Variants in WDR35 observed in about 807,000 individuals in gnomAD.
WDR35 encodes the protein WD repeat domain 35, also known as WD repeat-containing protein 35.
Under a neutral mutation model 158.3 loss-of-function variants are expected in WDR35, and 118 were observed. That is an observed-to-expected ratio of 0.75 (90% CI 0.64 to 0.87). The LOEUF is 0.87. Ranked by LOEUF, WDR35 falls within the 40% of genes least tolerant of loss-of-function variation. The probability of loss-of-function intolerance (pLI) is 0.00; values close to 1 mark genes in which losing one functional copy is unlikely to be tolerated. For synonymous variants in WDR35, 448 were observed against 476.1 expected (o/e 0.94, Z 0.77); for missense variants, 1,263 against 1,405.8 (o/e 0.90, Z 1.62).
intron 14 of WDR35, 74 bp from the exon 15 acceptor site, chr2:19,946,644 T>C (rs1457402287): frequency 4.3e-6 from 6 of 1,385,650 alleles, no homozygotes; most frequent in Non-Finnish European, 6.1e-6. Context: ...TTTCTCTATA[T>C]GTCTATACAT....
chr2:19,980,586 G>T (rs1672352169), intron 4 of WDR35, 105 bp downstream of exon 4: 1 of 893,288 alleles, frequency 1.1e-6, no homozygotes, highest in Non-Finnish European at 1.9e-6. Flanking sequence ...AACTCCTGTT[G>T]TTAGTAAAAG....
rs73920476 is a variant in WDR35 at position 19,958,092 on chromosome 2, A to G, written c.1255+2462T>C. Among the ~76,000 whole-genome samples, 382 of 152,350 alleles carry G rather than the reference A, an allele frequency of 2.5e-3. 2 individuals are homozygous for G. Among genetic ancestry groups the G allele is most frequent in the African/African-American group, 8.8e-3 (365 of 41,578 alleles). On this transcript the variant is annotated intron_variant, in intron 11 of 26. Transcript: ENST00000281405. The stretch of plus-strand genomic sequence containing the variant: ...TCTCAGCCCTTTCAAGTGCTGGTAA[A>G]TTGAAATTTCACTGAAATGTTTTCA...
intron 11 of WDR35, among the ~76,000 whole-genome samples, chr2:19,957,310 T>C (rs902995568): frequency 4.6e-5 from 7 of 152,246 alleles, no homozygotes; most frequent in Non-Finnish European, 1.0e-4. Context: ...ATATGTTCTT[T>C]TGAATCAGTA....
chr2:19,930,574 A>G (rs1424621271), intron 24 of WDR35, 22 bp from the exon 25 acceptor site: 1 of 1,613,566 alleles, frequency 6.2e-7, no homozygotes, highest in African/African-American at 1.3e-5. Flanking sequence ...GTCAGCCCAC[A>G]CTTTCCGTCA....
intron 2 of WDR35, among the ~76,000 whole-genome samples, chr2:19,988,562 T>C (rs1351445210): frequency 1.3e-5 from 2 of 152,208 alleles, no homozygotes; most frequent in Non-Finnish European, 2.9e-5. Flanking sequence ...AGCTAACTTG[T>C]TGAAAGTCAT....
At chr2:19,988,798 G>A (rs1017586262) in intron 2 of WDR35, among the ~76,000 whole-genome samples, 5 of 152,204 alleles carry the variant, frequency 3.3e-5, no homozygotes, top group African/African-American at 1.2e-4. Flanking sequence ...CTGATAAGCA[G>A]AAAGGATGAC....
At chr2:19,946,316 T>C (rs774443272) in intron 15 of WDR35, 145 bp downstream of exon 15, 1 of 772,154 alleles carries the variant, frequency 1.3e-6, no homozygotes, top group Non-Finnish European at 2.2e-6. Flanking sequence ...TTAAACCAAA[T>C]GCAGTATAAA....
rs559507163 is a variant in WDR35, at chr2:19,946,907, T to G, written c.1525-337A>C. On this transcript the variant is annotated intron_variant, in intron 14 of 26. Transcript: ENST00000281405. ...TATCTAGGTTAATATTCAGGGCACA[T>G]TAAAAGCTAAAGCAAAGTACTTGTT... is the stretch of plus-strand genomic sequence containing the variant. 2.9e-4 allele frequency among the ~76,000 whole-genome samples: 44 copies of G among 152,298 alleles called. No individual in the cohort carries two copies. The East Asian group carries it at 6.0e-3, about 21-fold the overall frequency.
In WDR35 at chr2:19,910,672, A is replaced by AT. The variant is rs1326847409; in HGVS notation, c.*2885dup. ...TGTTTATGCAACTTCTCACCAGGTA[A>AT]TTGTTTTTTATGGTCAGTTTTGCTT... On this transcript the variant is annotated 3_prime_UTR_variant, in exon 27 of 27. Transcript: ENST00000281405. The AT allele has an allele frequency of 2.6e-5, 4 of 152,182 alleles. No individual in the cohort carries two copies. Among genetic ancestry groups the AT allele is most frequent in the African/African-American group, 9.7e-5 (4 of 41,424 alleles). The allele number at this position is 152,182 out of a possible 1,614,324, so 9.4% of individuals were successfully genotyped here.
intron 25 of WDR35, among the ~76,000 whole-genome samples, chr2:19,922,946 C>T (rs189670948): frequency 6.6e-6 from 1 of 152,326 alleles, no homozygotes; most frequent in African/African-American, 2.4e-5. Context: ...AAACCACAAC[C>T]AGTAGCATGA....
chr2:19,935,480 C>T lies in WDR35; in HGVS notation c.2538G>A (p.Lys846=), dbSNP rs1328095554. 3.1e-6 allele frequency: 5 copies of T among 1,612,700 alleles called. No homozygotes were observed. The highest frequency in any genetic ancestry group is 4.2e-6 in the Non-Finnish European group (5 of 1,179,490). The change falls in exon 21 of 27, where the codon AAG becomes AAA. Residue 846 remains lysine, a synonymous_variant. Transcript: ENST00000281405. Reference sequence around the variant, plus strand: ...AATTTGCAATACCTACTGGAAGTAACTTGTGGTTTTCTGGAAGTGAAATGG... The same window carrying T: ...AATTTGCAATACCTACTGGAAGTAATTTGTGGTTTTCTGGAAGTGAAATGG... ...NLAISLPENH[K]LLPEIAQMFV...
intron 25 of WDR35, among the ~76,000 whole-genome samples, chr2:19,924,775 T>A (rs772089825): frequency 2.0e-5 from 3 of 152,056 alleles, no homozygotes; most frequent in Non-Finnish European, 4.4e-5. Context: ...TAAGAGTGGA[T>A]AAAGGAAATA....
intron 7 of WDR35, 107 bp from the exon 8 acceptor site, chr2:19,973,815 T>A (rs920619482): frequency 1.8e-5 from 26 of 1,469,826 alleles, no homozygotes; most frequent in African/African-American, 2.8e-5. Context: ...TCCACATTTT[T>A]AAAAAAACAG....
chr2:19,914,493 C>T (rs1257022594), intron 25 of WDR35, among the ~76,000 whole-genome samples: 1 of 152,132 alleles, frequency 6.6e-6, no homozygotes, highest in African/African-American at 2.4e-5. Flanking sequence ...ATGAAAAGAA[C>T]CACCACCAAA....
At chr2:19,964,381 C>CTTTTTTTTTTTTTTTTTTT (rs558586617) in intron 10 of WDR35, among the ~76,000 whole-genome samples, 1 of 113,426 alleles carries the variant, frequency 8.8e-6, no homozygotes. Context: ...CTTTTCTTTT[C>CTTTTTTTTTTTTTTTTTTT]TTTTTTTTTT....
chr2:19,919,129 C>T (rs188034582), intron 25 of WDR35, among the ~76,000 whole-genome samples: 2 of 152,246 alleles, frequency 1.3e-5, no homozygotes, highest in Non-Finnish European at 2.9e-5. Context: ...GCCTGTAATT[C>T]CAGCACTTTC....
chr2:19,989,089 A>G, intron 2 of WDR35, 76 bp downstream of exon 2: 1 of 1,256,200 alleles, frequency 8.0e-7, no homozygotes, highest in Non-Finnish European at 1.2e-6. Context: ...ATATTGACAG[A>G]TAACATGAGT....
At position 19,978,732 on chromosome 2, in the gene WDR35, T is replaced by C. The variant is rs1325649954; in HGVS notation, c.436+19A>G. 1 of 1,613,610 alleles carries C rather than the reference T, an allele frequency of 6.2e-7. No homozygotes were observed. Among genetic ancestry groups the C allele is most frequent in the South Asian group, 1.1e-5 (1 of 91,074 alleles). On this transcript the variant is annotated intron_variant, in intron 5 of 26. Coordinates refer to ENST00000281405, the MANE Select transcript of WDR35 (RefSeq NM_020779.4). Reference sequence around the variant, plus strand: ...CAGCCAGATATTGATCTTAGTTCTATGTCCAATCAATACATTACCATCCAC... The same window carrying C: ...CAGCCAGATATTGATCTTAGTTCTACGTCCAATCAATACATTACCATCCAC...
chr2:19,973,460 G>C, intron 8 of WDR35, 103 bp downstream of exon 8: 3 of 1,442,094 alleles, frequency 2.1e-6, no homozygotes, highest in Non-Finnish European at 2.9e-6. Flanking sequence ...GTCCCTAAAA[G>C]AAAATGTGAT....
Sources: allele counts gnomAD v4.1 joint callset (sites outside exome capture counted in the v4.1 genomes callset), GRCh38; gene constraint gnomAD v4.1.1; transcripts MANE v1.5; gene names NCBI Gene and HGNC (gene_info 2026-07-23, HGNC 2026-07-21).